ATP5MC2: variants seen among roughly 807,000 people sequenced by gnomAD.
ATP5MC2 encodes the protein ATP synthase F(0) complex subunit C2, mitochondrial.
Under a neutral mutation model 13.5 loss-of-function variants are expected in ATP5MC2, and 11 were observed. The ratio of observed to expected loss-of-function variants is 0.81; its 90% CI spans 0.51 to 1.35. The LOEUF is 1.35. ATP5MC2 is among the 40% of genes most tolerant of loss of function. ATP5MC2 has a pLI of 0.00. For synonymous variants in ATP5MC2, 64 were observed against 69.7 expected, an observed-to-expected ratio of 0.92 and a Z score of 0.41; for missense variants, 132 against 175.0, an observed-to-expected ratio of 0.75 and a Z score of 1.39.
rs138588487 is a variant in ATP5MC2 at position 53,669,273 on chromosome 12, G to A, written c.186C>T (p.Ser62=). The A allele has an allele frequency of 9.9e-6, 16 of 1,614,114 alleles. No homozygotes were observed. Among genetic ancestry groups the A allele is most frequent in the African/African-American group, 5.3e-5 (4 of 75,034 alleles). ...SLVSSRSFQT[S]AISRDIDTAA... ...CTGTGTCGATGTCCCTTGAAATGGC[G>A]CTGGTTTGGAAGCTGCGGCTAGAGA... The change falls in exon 4 of 5, where the codon AGC becomes AGT. Residue 62 remains serine (S), a synonymous_variant. Transcript: ENST00000394349.
intron 4 of ATP5MC2, among the ~76,000 whole-genome samples, chr12:53,667,954 CACAT>C (rs1274434156): frequency 3.0e-4 from 8 of 26,970 alleles, no homozygotes; most frequent in East Asian, 3.2e-3. Context: ...TACATACACA[CACAT>C]ATATATATAT....
At chr12:53,668,916 G>A (rs1466676995) in intron 4 of ATP5MC2, among the ~76,000 whole-genome samples, 3 of 152,044 alleles carry the variant, frequency 2.0e-5, no homozygotes, top group Non-Finnish European at 1.5e-5. Flanking sequence ...CTACTTGGGA[G>A]GCTGAGGCAC....
Position 53,665,339 on chromosome 12 carries a change from G to C in ATP5MC2, c.401C>G (p.Ala134Gly). 1 of 1,613,008 alleles carries C rather than the reference G, an allele frequency of 6.2e-7. No individual in the cohort carries two copies. The highest frequency in any genetic ancestry group is 1.1e-5 in the South Asian group (1 of 91,042). Reference protein sequence around the residue: ...EAMGLFCLMVAFLILFAM With the variant: ...EAMGLFCLMVGFLILFAM Reference sequence around the variant, plus strand: ...TCACATGGCAAAGAGGATGAGAAAGGCTACCATCAGACAAAAGAGCCCCAT... The same window carrying C: ...TCACATGGCAAAGAGGATGAGAAAGCCTACCATCAGACAAAAGAGCCCCAT... Residue 134 changes from alanine (A) to glycine (G), a missense_variant, in exon 5 of 5, where the codon GCC becomes GGC. Physicochemically the swap from Ala to Gly is moderately conservative, Grantham distance 60. Transcript: ENST00000394349.
At chr12:53,669,082 C>G in intron 4 of ATP5MC2, 66 bp downstream of exon 4, 2 of 1,534,322 alleles carry the variant, frequency 1.3e-6, no homozygotes, top group Non-Finnish European at 1.8e-6. Context: ...AGTTCTAGAC[C>G]CCCAAATATT....
chr12:53,679,315 C>G (rs928980530), upstream of ATP5MC2, among the ~76,000 whole-genome samples: 1 of 143,980 alleles, frequency 6.9e-6, no homozygotes, highest in Non-Finnish European at 1.5e-5. Context: ...AAAAATATTG[C>G]TAGAGAGAAG....
chr12:53,669,367 T>A, intron 3 of ATP5MC2, 26 bp from the exon 4 acceptor site: 1 of 1,597,968 alleles, frequency 6.3e-7, no homozygotes, highest in Non-Finnish European at 8.5e-7. Context: ...AGGTAGAAGG[T>A]AAAGTTTTTT....
chr12:53,676,250 CG>C, upstream of ATP5MC2: 1 of 1,587,936 alleles, frequency 6.3e-7, no homozygotes, highest in South Asian at 1.1e-5. Flanking sequence ...ACCTGGCGTT[CG>C]AGAGGAGAAA....
At chr12:53,676,292 C>G, upstream of ATP5MC2, 1 of 1,531,126 alleles carries the variant, frequency 6.5e-7, no homozygotes. Flanking sequence ...AGAAATGAGG[C>G]CAACTCCGCG....
chr12:53,665,290 C>T lies in ATP5MC2; in HGVS notation c.*24G>A. 1 of 1,585,644 alleles carries T rather than the reference C, an allele frequency of 6.3e-7. No individual in the cohort carries two copies. The highest frequency in any genetic ancestry group is 8.6e-7 in the Non-Finnish European group (1 of 1,161,488). On this transcript the variant is annotated 3_prime_UTR_variant, in exon 5 of 5. Coordinates refer to ENST00000394349, the MANE Select transcript of ATP5MC2 (RefSeq NM_005176.7). ...ACGGGGCCAACCAGACGCGGGAGAA[C>T]TATGGGAGGTGGAGACGGCTCCTTC...
At chr12:53,670,798 T>C (rs747147222) in intron 2 of ATP5MC2, among the ~76,000 whole-genome samples, 1 of 151,970 alleles carries the variant, frequency 6.6e-6, no homozygotes, top group Non-Finnish European at 1.5e-5. Context: ...AATTTTTGTA[T>C]TTTTAGTAGA....
At chr12:53,671,048 TA>T (rs1945082488) in intron 2 of ATP5MC2, among the ~76,000 whole-genome samples, 2 of 151,956 alleles carry the variant, frequency 1.3e-5, no homozygotes, top group South Asian at 4.1e-4. Flanking sequence ...AAGAAGCCAG[TA>T]ACTTTCCCTG....
chr12:53,665,536 T>C (rs997213563), intron 4 of ATP5MC2, 108 bp from the exon 5 acceptor site: 2 of 946,408 alleles, frequency 2.1e-6, no homozygotes, highest in African/African-American at 3.3e-5. Flanking sequence ...TTATCTCACA[T>C]AATAAAGAAG....
In ATP5MC2 at chr12:53,669,893, C is replaced by A; in HGVS notation, c.95G>T (p.Arg32Leu). ...SRPLSAVVLK[R>L]PEILTDESLS... is the part of the protein sequence containing the mutation. ...TACCTCATCTGTCAGTATCTCCGGT[C>A]GTTTCAGCACCACTGCAGATAGCGG... The change falls in exon 3 of 5, where the codon CGA becomes CTA. Residue 32 changes from arginine to leucine, a missense_variant. Coordinates refer to ENST00000394349, the MANE Select transcript of ATP5MC2 (RefSeq NM_005176.7). 1.2e-6 allele frequency: 2 copies of A among 1,613,994 alleles called. No homozygotes were observed. The highest frequency in any genetic ancestry group is 2.2e-5 in the South Asian group (2 of 91,002).
chr12:53,666,027 G>A (rs1944904338), intron 4 of ATP5MC2, among the ~76,000 whole-genome samples: 1 of 152,222 alleles, frequency 6.6e-6, no homozygotes, highest in South Asian at 2.1e-4. Context: ...CTACAAATGG[G>A]CTGGGTGCGG....
intron 4 of ATP5MC2, 99 bp downstream of exon 4, chr12:53,669,049 G>C (rs1945014804): frequency 7.3e-7 from 1 of 1,362,094 alleles, no homozygotes; most frequent in Non-Finnish European, 9.7e-7. Context: ...CATGTAGCTA[G>C]TGGCTACAGT....
intron 3 of ATP5MC2, among the ~76,000 whole-genome samples, 200 bp downstream of exon 3, chr12:53,669,671 G>A (rs1945035789): frequency 6.6e-6 from 1 of 152,218 alleles, no homozygotes; most frequent in African/African-American, 2.4e-5. Context: ...AGGGGCATGT[G>A]CTGCCAGTGG....
chr12:53,680,898 A>G (rs1286619506), upstream of ATP5MC2, among the ~76,000 whole-genome samples: 1 of 152,056 alleles, frequency 6.6e-6, no homozygotes, highest in Non-Finnish European at 1.5e-5. Context: ...CACCCATTAA[A>G]CCACGCCCTA....
intron 2 of ATP5MC2, 96 bp from the exon 3 acceptor site, chr12:53,670,044 CT>C: frequency 8.6e-7 from 1 of 1,159,150 alleles, no homozygotes; most frequent in African/African-American, 1.5e-5. Flanking sequence ...ACAAGATTTT[CT>C]TTCCTCTCAT....
At chr12:53,678,368 CACCACCATCAT>C (rs1259432090), upstream of ATP5MC2, among the ~76,000 whole-genome samples, 23 of 83,426 alleles carry the variant, frequency 2.8e-4, no homozygotes, top group African/African-American at 9.1e-4. Context: ...CCACCACCAT[CACCACCATCAT>C]CACCATCATC....
Sources: gnomAD v4.1 joint callset for allele counts (sites outside exome capture counted in the v4.1 genomes callset) on GRCh38, gnomAD v4.1.1 for gene constraint, MANE v1.5 for transcripts, NCBI Gene and HGNC (gene_info 2026-07-23, HGNC 2026-07-21) for gene names.